Variants in EPHB1 observed in about 807,000 individuals in gnomAD.
EPHB1 encodes EPH receptor B1.
EPHB1 carries 30 observed loss-of-function variants against 94.4 expected under a neutral mutation model. The ratio of observed to expected loss-of-function variants is 0.32; its 90% CI spans 0.24 to 0.43. The LOEUF is 0.43. Ranked by LOEUF, EPHB1 falls within the 20% of genes least tolerant of loss-of-function variation. The probability of loss-of-function intolerance (pLI) is 1.00; values close to 1 mark genes in which losing one functional copy is unlikely to be tolerated. For synonymous variants in EPHB1, 522 were observed against 489.1 expected (o/e 1.07, Z -0.89); for missense variants, 1,055 against 1,308.3 (o/e 0.81, Z 2.99).
At chr3:134,901,488 C>G (rs1196691552) in intron 1 of EPHB1, among the ~76,000 whole-genome samples, 1 of 152,208 alleles carries the variant, frequency 6.6e-6, no homozygotes, top group Non-Finnish European at 1.5e-5. Flanking sequence ...CCCTGGACAT[C>G]CTGCAAACTG....
intron 3 of EPHB1, among the ~76,000 whole-genome samples, chr3:134,962,012 T>C (rs1266452742): frequency 1.3e-5 from 2 of 152,302 alleles, no homozygotes; most frequent in East Asian, 3.9e-4. Flanking sequence ...AATTGCTGAA[T>C]AAGAATATAT....
chr3:135,161,463 T>G (rs1369539666), intron 6 of EPHB1, among the ~76,000 whole-genome samples: 1 of 152,116 alleles, frequency 6.6e-6, no homozygotes, highest in Non-Finnish European at 1.5e-5. Flanking sequence ...GGCCTCTACC[T>G]CTCCAGCAGA....
chr3:135,130,787 C>T (rs1463399727), intron 4 of EPHB1, among the ~76,000 whole-genome samples: 3 of 152,128 alleles, frequency 2.0e-5, no homozygotes, highest in African/African-American at 7.2e-5. Context: ...AAAGATTCAC[C>T]CCACACCTAG....
intron 1 of EPHB1, among the ~76,000 whole-genome samples, chr3:134,796,972 G>T (rs2035842497): frequency 6.6e-6 from 1 of 152,226 alleles, no homozygotes; most frequent in East Asian, 1.9e-4. Flanking sequence ...CCGCCATTCC[G>T]GAAAGCTCTG....
chr3:135,079,538 A>G (rs1938083919), intron 3 of EPHB1, among the ~76,000 whole-genome samples: 1 of 151,956 alleles, frequency 6.6e-6, no homozygotes. Flanking sequence ...CTGCTCTAAA[A>G]CCTGGTTTGG....
chr3:135,073,223 A>G (rs555753254), intron 3 of EPHB1, among the ~76,000 whole-genome samples: 1 of 152,272 alleles, frequency 6.6e-6, no homozygotes, highest in African/African-American at 2.4e-5. Flanking sequence ...TTTTATGGAT[A>G]CTTTTATCCA....
At chr3:135,048,499 G>A (rs1380710480) in intron 3 of EPHB1, among the ~76,000 whole-genome samples, 1 of 151,936 alleles carries the variant, frequency 6.6e-6, no homozygotes, top group African/African-American at 2.4e-5. Flanking sequence ...TGAACTTCTG[G>A]CCTCAAGCAG....
chr3:134,992,767 G>A (rs371419266), intron 3 of EPHB1, among the ~76,000 whole-genome samples: 4 of 152,180 alleles, frequency 2.6e-5, no homozygotes, highest in East Asian at 3.9e-4. Flanking sequence ...GGCAAGGCCT[G>A]TGTCATTCAC....
At chr3:134,835,147 G>GTAGC (rs1422525035) in intron 1 of EPHB1, among the ~76,000 whole-genome samples, 1 of 152,202 alleles carries the variant, frequency 6.6e-6, no homozygotes, top group Non-Finnish European at 1.5e-5. Context: ...AACTGCAGGA[G>GTAGC]TAGCTGTGTT....
intron 6 of EPHB1, among the ~76,000 whole-genome samples, chr3:135,159,793 ACCTGTGGT>A (rs1302058266): frequency 1.3e-5 from 2 of 152,138 alleles, no homozygotes. Flanking sequence ...CTGACCTGGG[ACCTGTGGT>A]CCCTCACAAC....
At chr3:135,190,222 A>AAGTC (rs1341018298) in intron 10 of EPHB1, among the ~76,000 whole-genome samples, 1 of 152,226 alleles carries the variant, frequency 6.6e-6, no homozygotes, top group Non-Finnish European at 1.5e-5. Flanking sequence ...AAGATTGAAT[A>AAGTC]AGTCACACAA....
At chr3:135,085,371 C>G (rs914615831) in intron 3 of EPHB1, among the ~76,000 whole-genome samples, 2 of 152,188 alleles carry the variant, frequency 1.3e-5, no homozygotes, top group African/African-American at 4.8e-5. Flanking sequence ...GAAGAGACAT[C>G]AAGAGTCATT....
rs1941643651 is a variant in EPHB1, at chr3:135,166,047, C to T, written c.1665C>T (p.Ser555=). Residue 555 remains serine (S), a synonymous_variant, in exon 8 of 16, where the codon TCC becomes TCT. Coordinates refer to ENST00000398015, the MANE Select transcript of EPHB1 (RefSeq NM_004441.5). ...SAAAGVVFVV[S]LVAISIVCSR... ...CGGCCGGGGTCGTGTTCGTTGTGTC[C>T]TTGGTGGCCATCTCTATCGTCTGTA... 4 of 1,613,840 alleles carry T rather than the reference C, an allele frequency of 2.5e-6. No homozygotes were observed. Among genetic ancestry groups the T allele is most frequent in the Non-Finnish European group, 3.4e-6 (4 of 1,179,830 alleles).
chr3:134,833,986 G>A (rs987915945), intron 1 of EPHB1, among the ~76,000 whole-genome samples: 9 of 152,136 alleles, frequency 5.9e-5, no homozygotes, highest in African/African-American at 1.9e-4. Context: ...CCACTAAAGG[G>A]TTTTAGGCAA....
intron 6 of EPHB1, among the ~76,000 whole-genome samples, chr3:135,157,316 C>T (rs756944873): frequency 1.3e-5 from 2 of 152,162 alleles, no homozygotes; most frequent in African/African-American, 4.8e-5. Flanking sequence ...AATGACAGGC[C>T]GAGCACTGAA....
chr3:134,862,374 G>T (rs1179113736), intron 1 of EPHB1, among the ~76,000 whole-genome samples: 1 of 151,954 alleles, frequency 6.6e-6, no homozygotes, highest in East Asian at 1.9e-4. Flanking sequence ...TCTTCATGGA[G>T]CCCTAAAACA....
rs542487984 is a variant in EPHB1, at chr3:134,961,789, A to C, written c.805+9737A>C. Among the ~76,000 whole-genome samples the C allele has an allele frequency of 8.1e-4, 124 of 152,236 alleles. 3 individuals are homozygous for C. In the South Asian group the frequency reaches 0.019, roughly 24 times the overall value. ...TCATTGCATGGATATATTTTACTTA[A>C]TTGGTCATTTATATACATTTAGATT... On this transcript the variant is annotated intron_variant, in intron 3 of 15. Transcript: ENST00000398015.
At chr3:135,041,206 C>T (rs2107765958) in intron 3 of EPHB1, among the ~76,000 whole-genome samples, 1 of 152,304 alleles carries the variant, frequency 6.6e-6, no homozygotes, top group South Asian at 2.1e-4. Context: ...ATTCTATTTT[C>T]TCTCTTCTTG....
Position 135,179,561 on chromosome 3 carries a change from C to G in EPHB1, c.1760-299C>G, listed in dbSNP as rs1253522075. 3.3e-5 allele frequency among the ~76,000 whole-genome samples: 5 copies of G among 152,126 alleles called. No homozygotes were observed. The East Asian group carries it at 5.8e-4, about 18-fold the overall frequency. Reference sequence around the variant, plus strand: ...CAGCTTCCTTGCCTTCTGTGAGCACCCGGTGTGGGAACTGGTCCCGATCTG... The same window carrying G: ...CAGCTTCCTTGCCTTCTGTGAGCACGCGGTGTGGGAACTGGTCCCGATCTG... On this transcript the variant is annotated intron_variant, in intron 9 of 15. Coordinates refer to ENST00000398015, the MANE Select transcript of EPHB1 (RefSeq NM_004441.5).
Sources: allele counts gnomAD v4.1 joint callset (sites outside exome capture counted in the v4.1 genomes callset), GRCh38; gene constraint gnomAD v4.1.1; transcripts MANE v1.5; gene names NCBI Gene and HGNC (gene_info 2026-07-23, HGNC 2026-07-21).